The following STAMBPL1 variants were observed in gnomAD, a reference collection of about 807,000 sequenced individuals.
STAMBPL1 encodes the protein AMSH-like protease.
A neutral mutation model predicts 52.9 loss-of-function variants in STAMBPL1; 44 were observed. The ratio of observed to expected loss-of-function variants is 0.83; its 90% CI spans 0.65 to 1.07. STAMBPL1 has a LOEUF of 1.07. Among genes scored for constraint, STAMBPL1 ranks in the 50% least tolerant of loss-of-function variants. STAMBPL1 has a pLI of 0.00. For missense variants in STAMBPL1, 511 were observed against 520.8 expected, an observed-to-expected ratio of 0.98 and a Z score of 0.18; for synonymous variants, 164 against 177.3, an observed-to-expected ratio of 0.92 and a Z score of 0.60.
intron 7 of STAMBPL1, among the ~76,000 whole-genome samples, chr10:88,915,980 G>T (rs746619308): frequency 2.0e-5 from 3 of 152,096 alleles, no homozygotes; most frequent in Non-Finnish European, 4.4e-5. Flanking sequence ...GCCTGCCTGG[G>T]GGAAGATAGC....
chr10:88,905,405 A>G (rs768176253), intron 2 of STAMBPL1, 38 bp from the exon 3 acceptor site: 10 of 1,510,574 alleles, frequency 6.6e-6, no homozygotes, highest in South Asian at 2.2e-5. Context: ...TCTTACTATA[A>G]TCAACAGTTA....
At chr10:88,887,323 ATAAAT>A (rs1318568036) in intron 1 of STAMBPL1, among the ~76,000 whole-genome samples, 1 of 152,206 alleles carries the variant, frequency 6.6e-6, no homozygotes. Flanking sequence ...GAAAAATTTA[ATAAAT>A]TAAAATGTGG....
chr10:88,917,212 C>A (rs1206831432), intron 8 of STAMBPL1, among the ~76,000 whole-genome samples: 3 of 152,124 alleles, frequency 2.0e-5, no homozygotes, highest in Non-Finnish European at 4.4e-5. Context: ...ACTGATTTGG[C>A]TAGACAACTG....
chr10:88,920,109 C>T (rs1322011878), intron 8 of STAMBPL1, among the ~76,000 whole-genome samples: 2 of 152,154 alleles, frequency 1.3e-5, no homozygotes, highest in Non-Finnish European at 2.9e-5. Context: ...CCTTGGCCAC[C>T]CAAAGTGTTG....
At chr10:88,899,192 A>G (rs1844883992) in intron 1 of STAMBPL1, among the ~76,000 whole-genome samples, 2 of 152,162 alleles carry the variant, frequency 1.3e-5, no homozygotes, top group African/African-American at 4.8e-5. Flanking sequence ...TGTGAATTCA[A>G]GAGTCAGACC....
chr10:88,905,337 G>C, intron 2 of STAMBPL1, 106 bp from the exon 3 acceptor site: 1 of 844,448 alleles, frequency 1.2e-6, no homozygotes, highest in South Asian at 1.6e-5. Flanking sequence ...ATTTCCTTAG[G>C]TAATGGTGTT....
intron 5 of STAMBPL1, 92 bp from the exon 6 acceptor site, chr10:88,913,009 T>C (rs1845265571): frequency 1.8e-6 from 2 of 1,109,316 alleles, no homozygotes; most frequent in East Asian, 4.7e-5. Flanking sequence ...TCTAGCATTT[T>C]CTCTGTCTGC....
chr10:88,905,454 T>C lies in STAMBPL1; in HGVS notation c.42T>C (p.Ala14=). The change falls in exon 3 of 11, where the codon GCT becomes GCC. Residue 14 remains alanine (A), a synonymous_variant. Transcript: ENST00000371926. ...ATTTTGCTTTGCAGAAAAAGTTAGC[T>C]GCTATGCCTGACCATACAGATGTTT... ...PFTVNSLKKL[A]AMPDHTDVSL... is the part of the protein sequence containing the mutation. 1 of 1,614,026 alleles carries C rather than the reference T, an allele frequency of 6.2e-7. No homozygotes were observed. The highest frequency in any genetic ancestry group is 1.1e-5 in the South Asian group (1 of 91,080).
intron 5 of STAMBPL1, among the ~76,000 whole-genome samples, chr10:88,912,148 C>T (rs750792478): frequency 2.6e-5 from 4 of 152,150 alleles, no homozygotes; most frequent in Non-Finnish European, 4.4e-5. Flanking sequence ...CCAGCATTAG[C>T]ATCATTTGGA....
At chr10:88,885,105 G>A (rs1844498235) in intron 1 of STAMBPL1, among the ~76,000 whole-genome samples, 1 of 152,176 alleles carries the variant, frequency 6.6e-6, no homozygotes, top group Admixed American at 6.5e-5. Context: ...TGAGCTATGT[G>A]AATTGCTCAG....
intron 8 of STAMBPL1, among the ~76,000 whole-genome samples, chr10:88,918,426 C>T (rs927694243): frequency 6.6e-6 from 1 of 152,090 alleles, no homozygotes; most frequent in Non-Finnish European, 1.5e-5. Flanking sequence ...GGACTTCTAG[C>T]CTCATTTCCA....
At chr10:88,913,753 A>T (rs1201778016) in intron 6 of STAMBPL1, among the ~76,000 whole-genome samples, 1 of 151,946 alleles carries the variant, frequency 6.6e-6, no homozygotes, top group East Asian at 1.9e-4. Context: ...TTTGTCTTCT[A>T]TGTATTTTAA....
At chr10:88,901,108 A>C (rs1844932885) in intron 1 of STAMBPL1, 1 of 152,244 alleles carries the variant, frequency 6.6e-6, no homozygotes. Context: ...CAACATATTC[A>C]TGGGAATAAT....
intron 1 of STAMBPL1, among the ~76,000 whole-genome samples, chr10:88,890,448 C>T (rs981460153): frequency 6.6e-6 from 1 of 152,106 alleles, no homozygotes; most frequent in South Asian, 2.1e-4. Flanking sequence ...GTGGGGTGTA[C>T]ATTAAGGAGC....
At chr10:88,894,452 C>A (rs376791673) in intron 1 of STAMBPL1, among the ~76,000 whole-genome samples, 1 of 152,048 alleles carries the variant, frequency 6.6e-6, no homozygotes, top group East Asian at 1.9e-4. Context: ...ACCTAGAAGG[C>A]AGTCTAGAAA....
At chr10:88,884,295 C>G in intron 1 of STAMBPL1, among the ~76,000 whole-genome samples, 1 of 152,172 alleles carries the variant, frequency 6.6e-6, no homozygotes, top group East Asian at 1.9e-4. Flanking sequence ...CAAGTAGGCT[C>G]TTAAGCACTT....
At chr10:88,902,801 C>G (rs752692954) in intron 2 of STAMBPL1, among the ~76,000 whole-genome samples, 4 of 152,200 alleles carry the variant, frequency 2.6e-5, no homozygotes, top group Admixed American at 2.0e-4. Context: ...CATCTCCTGA[C>G]CTCGTGATCA....
chr10:88,883,819 T>C (rs1277235091), intron 1 of STAMBPL1, among the ~76,000 whole-genome samples: 1 of 152,228 alleles, frequency 6.6e-6, no homozygotes, highest in Non-Finnish European at 1.5e-5. Flanking sequence ...ATGTCTTGAT[T>C]TGCTGTAGTT....
intron 2 of STAMBPL1, among the ~76,000 whole-genome samples, chr10:88,904,899 C>A (rs1289325596): frequency 2.0e-5 from 3 of 151,652 alleles, no homozygotes; most frequent in Non-Finnish European, 2.9e-5. Context: ...TTCTCCAGGA[C>A]TTACTTGTGG....
Sources: gnomAD v4.1 joint callset for allele counts (sites outside exome capture counted in the v4.1 genomes callset) on GRCh38, gnomAD v4.1.1 for gene constraint, MANE v1.5 for transcripts, NCBI Gene and HGNC (gene_info 2026-07-23, HGNC 2026-07-21) for gene names.